The following SPINT1 variants were observed in gnomAD, a reference collection of about 807,000 sequenced individuals.
The protein encoded by SPINT1 is kunitz-type protease inhibitor 1.
Under a neutral mutation model 53.7 loss-of-function variants are expected in SPINT1, and 38 were observed. That is an observed-to-expected ratio of 0.71 (90% CI 0.55 to 0.93). The LOEUF (loss-of-function observed/expected upper bound fraction) is 0.93, where lower values mean the gene tolerates loss of function less well. Ranked by LOEUF, SPINT1 falls within the 40% of genes least tolerant of loss-of-function variation. SPINT1 has a pLI of 0.00. For synonymous variants in SPINT1, 283 were observed against 280.6 expected, an observed-to-expected ratio of 1.01 and a Z score of -0.08; for missense variants, 645 against 692.9, an observed-to-expected ratio of 0.93 and a Z score of 0.78.
In SPINT1 at chr15:40,845,030, G is replaced by A; in HGVS notation, c.475+1G>A. On this transcript the variant is annotated splice_donor_variant, in intron 2 of 10. Transcript: ENST00000562057. LOFTEE classifies it high-confidence loss of function. Reference sequence around the variant, plus strand: ...CAGCTGCGGACCCAGGGCTTTGGAGGTGAGGAGGGTGCCAAGATGGATGGG... The same window carrying A: ...CAGCTGCGGACCCAGGGCTTTGGAGATGAGGAGGGTGCCAAGATGGATGGG... The A allele has an allele frequency of 6.3e-7, 1 of 1,598,544 alleles. No homozygotes were observed. Among genetic ancestry groups the A allele is most frequent in the Non-Finnish European group, 8.5e-7 (1 of 1,172,166 alleles).
At chr15:40,849,928 A>C (rs183971781) in intron 2 of SPINT1, among the ~76,000 whole-genome samples, 28 of 152,356 alleles carry the variant, frequency 1.8e-4, no homozygotes, top group African/African-American at 6.0e-4. Flanking sequence ...GCGACTGCTC[A>C]GCTCTGCTGT....
chr15:40,848,729 T>C (rs1596146422), intron 2 of SPINT1, among the ~76,000 whole-genome samples: 1 of 152,212 alleles, frequency 6.6e-6, no homozygotes, highest in African/African-American at 2.4e-5. Flanking sequence ...TGTGTCACTA[T>C]GGAATGATTT....
chr15:40,856,309 C>T lies in SPINT1; in HGVS notation c.1322C>T (p.Pro441Leu), dbSNP rs545141233. ...GTGTTTGGCCTGAGGCGGGAAATCCCCATTCCCAGCACAGGTAAGCCCTGA... is the reference window on the plus strand; with the variant it reads ...GTGTTTGGCCTGAGGCGGGAAATCCTCATTCCCAGCACAGGTAAGCCCTGA... The part of the protein sequence containing the change: ...KDVFGLRREI[P>L]IPSTGSVEMA... The change falls in exon 10 of 11, where the codon CCC (proline) becomes CTC (leucine). Residue 441 changes from proline to leucine, a missense_variant. Coordinates refer to ENST00000562057, the MANE Select transcript of SPINT1 (RefSeq NM_003710.4). The T allele has an allele frequency of 6.8e-6, 11 of 1,614,146 alleles. No individual in the cohort carries two copies. In the African/African-American group the frequency reaches 8.0e-5, roughly 12 times the overall value.
chr15:40,850,379 T>C (rs966961581), intron 2 of SPINT1, among the ~76,000 whole-genome samples: 3 of 152,204 alleles, frequency 2.0e-5, no homozygotes, highest in Non-Finnish European at 4.4e-5. Flanking sequence ...CTGTTGTTTT[T>C]TCATCCATTC....
chr15:40,848,868 G>C (rs1481141453), intron 2 of SPINT1, among the ~76,000 whole-genome samples: 1 of 151,632 alleles, frequency 6.6e-6, no homozygotes, highest in African/African-American at 2.4e-5. Context: ...GATGGAGAAG[G>C]TTCCTTCTTA....
chr15:40,854,192 A>G, intron 6 of SPINT1, 106 bp downstream of exon 6: 5 of 1,401,216 alleles, frequency 3.6e-6, no homozygotes, highest in Non-Finnish European at 4.8e-6. Flanking sequence ...TCCTCCCCTC[A>G]GAGTTTGTGG....
chr15:40,848,584 T>C (rs1207181148), intron 2 of SPINT1, among the ~76,000 whole-genome samples: 1 of 152,236 alleles, frequency 6.6e-6, no homozygotes, highest in Non-Finnish European at 1.5e-5. Flanking sequence ...TAAGGTAGCA[T>C]GGTTTAGTTC....
At position 40,845,017 on chromosome 15, in the gene SPINT1, C is replaced by T. The variant is rs1322693257; in HGVS notation, c.463C>T (p.Gln155Ter). The change falls in exon 2 of 11, where the codon CAG becomes TAG. Residue 155 changes from glutamine to a stop codon, truncating the protein, a stop_gained. Transcript: ENST00000562057. LOFTEE classifies it high-confidence loss of function. ...VYRSYRQLRT[Q>*]GFGGSGIPKA... is the part of the protein sequence containing the mutation. ...CCGCTCCTACCGCCAGCTGCGGACC[C>T]AGGGCTTTGGAGGTGAGGAGGGTGC... The T allele has an allele frequency of 6.2e-7, 1 of 1,607,572 alleles. No individual in the cohort carries two copies. Among genetic ancestry groups the T allele is most frequent in the South Asian group, 1.1e-5 (1 of 90,132 alleles).
At chr15:40,849,713 C>G (rs528594888) in intron 2 of SPINT1, among the ~76,000 whole-genome samples, 2 of 152,288 alleles carry the variant, frequency 1.3e-5, no homozygotes, top group African/African-American at 4.8e-5. Flanking sequence ...TGGTTCAAAT[C>G]CCAGCTCTGC....
rs368309266 is a variant in SPINT1, at chr15:40,844,734, C to A, written c.180C>A (p.Gly60=). The A allele has an allele frequency of 1.9e-6, 3 of 1,609,268 alleles. No individual in the cohort carries two copies. The highest frequency in any genetic ancestry group is 2.5e-6 in the Non-Finnish European group (3 of 1,177,272). The change falls in exon 2 of 11, where the codon GGC becomes GGA. Residue 60 remains glycine (G), a synonymous_variant. Coordinates refer to ENST00000562057, the MANE Select transcript of SPINT1 (RefSeq NM_003710.4). The surrounding 1 kb of genome is among the most constrained non-coding windows in gnomAD (Gnocchi z 5.8). ...ACAGCTTTACCGCCGGGGTGCCTGG[C>A]TTCGTGCTGGACACCAACGCCTCGG... ...CLNSFTAGVP[G]FVLDTNASVS...
At chr15:40,851,318 T>A (rs1891448961) in intron 2 of SPINT1, among the ~76,000 whole-genome samples, 1 of 152,148 alleles carries the variant, frequency 6.6e-6, no homozygotes, top group Admixed American at 6.5e-5. Context: ...CATGCCCAGC[T>A]AATTTTTTGT....
intron 2 of SPINT1, among the ~76,000 whole-genome samples, chr15:40,845,609 T>A (rs1891271903): frequency 6.6e-6 from 1 of 152,096 alleles, no homozygotes; most frequent in East Asian, 1.9e-4. Context: ...GGGCCCAGGC[T>A]CTGGCTCCTG....
intron 2 of SPINT1, 42 bp from the exon 3 acceptor site, chr15:40,853,082 T>A (rs1456923033): frequency 6.3e-7 from 1 of 1,599,582 alleles, no homozygotes; most frequent in Non-Finnish European, 8.5e-7. Flanking sequence ...GCCTGGTCCA[T>A]CTAGTGAGAA....
In SPINT1 at chr15:40,854,309, G is replaced by A. The variant is rs1891561878; in HGVS notation, c.941-88G>A. On this transcript the variant is annotated intron_variant, in intron 6 of 10. Transcript: ENST00000562057. ...TTGGTGGAAAGGGAATGGGGGATGT[G>A]CTGTGTCTGGGCAGAGAGGGCCAAG... The A allele has an allele frequency of 2.0e-6, 3 of 1,499,562 alleles. No homozygotes were observed. In the African/African-American group the frequency reaches 4.2e-5, roughly 21 times the overall value. 92.9% of individuals were successfully genotyped at this position (1,499,562 alleles called of 1,614,324 possible). A position where few individuals can be genotyped will look rare whatever the true frequency, so the allele number is the denominator to read the frequency against.
Position 40,854,462 on chromosome 15 carries a change from C to G in SPINT1, c.1006C>G (p.Leu336Val). 1.2e-6 allele frequency: 2 copies of G among 1,613,674 alleles called. No individual in the cohort carries two copies. The stretch of plus-strand genomic sequence containing the variant: ...CAATGGCTGCTGCATCGACAGTTTC[C>G]TGGAGTGTGACGACACCCCCAACTG... ...CSNGCCIDSF[L>V]ECDDTPNCPD... The change falls in exon 7 of 11, where the codon CTG becomes GTG. Residue 336 changes from leucine to valine, a missense_variant. Leu to Val is a conservative substitution (Grantham distance 32, BLOSUM62 1). Coordinates refer to ENST00000562057, the MANE Select transcript of SPINT1 (RefSeq NM_003710.4).
chr15:40,855,900 G>T lies in SPINT1; in HGVS notation c.1126G>T (p.Val376Leu), dbSNP rs761836216. ...IHFPSDKGHC[V>L]DLPDTGLCKE... ...TACCCCATACCCCCCAGGGCACTGC[G>T]TGGACCTGCCAGACACAGGACTCTG... is the stretch of plus-strand genomic sequence containing the variant. The change falls in exon 9 of 11, where the codon GTG (valine) becomes TTG (leucine). Residue 376 changes from valine to leucine, a missense_variant. Val to Leu is a conservative substitution (Grantham distance 32, BLOSUM62 1). Transcript: ENST00000562057. 1 of 1,614,030 alleles carries T rather than the reference G, an allele frequency of 6.2e-7. No homozygotes were observed. The highest frequency in any genetic ancestry group is 8.5e-7 in the Non-Finnish European group (1 of 1,179,944).
intron 2 of SPINT1, among the ~76,000 whole-genome samples, chr15:40,849,126 G>A (rs1247663659): frequency 4.6e-5 from 7 of 151,806 alleles, no homozygotes; most frequent in South Asian, 2.1e-4. Context: ...GGCACCTGTA[G>A]TCCCAGCTAC....
chr15:40,856,124 C>G, intron 9 of SPINT1, 62 bp downstream of exon 9: 4 of 1,602,090 alleles, frequency 2.5e-6, no homozygotes, highest in Non-Finnish European at 3.4e-6. Flanking sequence ...GGCCTCCACT[C>G]TGTCCCCAGG....
In SPINT1 at chr15:40,854,280, G is replaced by A; in HGVS notation, c.941-117G>A. 4 of 1,462,262 alleles carry A rather than the reference G, an allele frequency of 2.7e-6. No homozygotes were observed. In the South Asian group the frequency reaches 5.5e-5, roughly 20 times the overall value. 90.6% of individuals were successfully genotyped at this position (1,462,262 alleles called of 1,614,324 possible). On this transcript the variant is annotated intron_variant, in intron 6 of 10. Transcript: ENST00000562057. ...TGCCCAGTTTGCGTGGGGCAGGAGT[G>A]GGGTTGGTGGAAAGGGAATGGGGGA... is the stretch of plus-strand genomic sequence containing the variant.
Sources: gnomAD v4.1 joint callset for allele counts (sites outside exome capture counted in the v4.1 genomes callset) on GRCh38, gnomAD v4.1.1 for gene constraint, Gnocchi (gnomAD v3.1) non-coding constraint, MANE v1.5 for transcripts, NCBI Gene and HGNC (gene_info 2026-07-23, HGNC 2026-07-21) for gene names.